The following KAT6B variants were observed in gnomAD, a reference collection of about 807,000 sequenced individuals.
The protein encoded by KAT6B is lysine acetyltransferase 6B.
KAT6B carries 10 observed loss-of-function variants against 187.5 expected under a neutral mutation model. The observed-to-expected ratio is 0.05, with a 90% CI of 0.03 to 0.09. KAT6B has a LOEUF of 0.09. KAT6B is among the 10% of genes least tolerant of loss of function. KAT6B has a pLI of 1.00. For missense variants in KAT6B, 1,952 were observed against 2,558.9 expected, an observed-to-expected ratio of 0.76 and a Z score of 5.12; for synonymous variants, 861 against 926.8, an observed-to-expected ratio of 0.93 and a Z score of 1.29.
At chr10:74,931,533 C>T (rs1429928292) in intron 3 of KAT6B, among the ~76,000 whole-genome samples, 1 of 152,138 alleles carries the variant, frequency 6.6e-6, no homozygotes, top group Non-Finnish European at 1.5e-5. Context: ...ATTAAATATG[C>T]TGCCACTCAT....
chr10:74,932,204 A>G (rs955893573), intron 3 of KAT6B, among the ~76,000 whole-genome samples: 2 of 152,244 alleles, frequency 1.3e-5, no homozygotes, highest in African/African-American at 4.8e-5. Flanking sequence ...TACATCAAGT[A>G]CAGTAACGAC....
chr10:74,918,357 A>G (rs1474526093), intron 3 of KAT6B, among the ~76,000 whole-genome samples: 1 of 152,186 alleles, frequency 6.6e-6, no homozygotes. Context: ...AGTTCAGTCA[A>G]CAAGTCAAAT....
chr10:74,839,551 A>C (rs867196514), intron 2 of KAT6B, among the ~76,000 whole-genome samples: 1 of 152,056 alleles, frequency 6.6e-6, no homozygotes, highest in African/African-American at 2.4e-5. Context: ...GTTTTAATGT[A>C]CGTTCGTTTG....
At chr10:74,827,522 A>G (rs138586554) in intron 1 of KAT6B, among the ~76,000 whole-genome samples, 3 of 152,130 alleles carry the variant, frequency 2.0e-5, no homozygotes, top group African/African-American at 7.2e-5. Context: ...GTATTTTTTA[A>G]AAACGTGGAA....
In KAT6B at chr10:75,021,964, A is replaced by G. The variant is rs543752941; in HGVS notation, c.3105A>G (p.Ser1035=). ...ILSTRANSRQ[S]PAKVQSKNKY... is the part of the protein sequence containing the mutation. ...CAACTAGAGCTAACAGTAGGCAATC[A>G]CCTGCAAAAGTACAATCGAAAAATA... The change falls in exon 16 of 18, where the codon TCA becomes TCG. Residue 1035 remains serine (S), a synonymous_variant. Coordinates refer to ENST00000287239, the MANE Select transcript of KAT6B (RefSeq NM_012330.4). The G allele has an allele frequency of 8.1e-6, 13 of 1,614,196 alleles. No individual in the cohort carries two copies. The South Asian group carries it at 1.3e-4, about 16-fold the overall frequency.
At chr10:74,864,249 TG>T (rs1396788114) in intron 3 of KAT6B, among the ~76,000 whole-genome samples, 1 of 151,978 alleles carries the variant, frequency 6.6e-6, no homozygotes, top group Non-Finnish European at 1.5e-5. Context: ...TTGTATTTTT[TG>T]TATTTTTTTG....
Position 74,900,265 on chromosome 10 carries a change from T to C in KAT6B, c.621+56787T>C, listed in dbSNP as rs951045079. Among the ~76,000 whole-genome samples the C allele has an allele frequency of 6.6e-5, 10 of 152,312 alleles. 1 individual carries two copies. In the East Asian group the frequency reaches 1.5e-3, roughly 23 times the overall value. On this transcript the variant is annotated intron_variant, in intron 3 of 17. Coordinates refer to ENST00000287239, the MANE Select transcript of KAT6B (RefSeq NM_012330.4). ...GTCTATATTGAACTAATTTAAAATA[T>C]CTTATTGAAATATATTATTAATTAA... is the stretch of plus-strand genomic sequence containing the variant.
chr10:74,912,799 A>G (rs1847341062), intron 3 of KAT6B, among the ~76,000 whole-genome samples: 1 of 152,170 alleles, frequency 6.6e-6, no homozygotes, highest in African/African-American at 2.4e-5. Context: ...TAGTCAAGCT[A>G]ATGACCCATG....
At chr10:74,953,939 C>T (rs1840491731) in intron 3 of KAT6B, among the ~76,000 whole-genome samples, 1 of 152,114 alleles carries the variant, frequency 6.6e-6, no homozygotes, top group African/African-American at 2.4e-5. Flanking sequence ...AGAATGTTTC[C>T]TTAGAAAATG....
intron 3 of KAT6B, among the ~76,000 whole-genome samples, chr10:74,846,163 C>T (rs1234089398): frequency 6.6e-6 from 1 of 152,080 alleles, no homozygotes; most frequent in Non-Finnish European, 1.5e-5. Context: ...TGTGCCTGGC[C>T]AACATTTATT....
At chr10:74,878,421 A>C in intron 3 of KAT6B, among the ~76,000 whole-genome samples, 1 of 151,994 alleles carries the variant, frequency 6.6e-6, no homozygotes, top group East Asian at 1.9e-4. Context: ...GGAGTTCTAG[A>C]CCAGCCTGGG....
At chr10:74,957,512 G>A (rs905224134) in intron 3 of KAT6B, among the ~76,000 whole-genome samples, 1 of 152,182 alleles carries the variant, frequency 6.6e-6, no homozygotes, top group Non-Finnish European at 1.5e-5. Flanking sequence ...AACGAAAAAT[G>A]AGCATGAATG....
intron 3 of KAT6B, among the ~76,000 whole-genome samples, chr10:74,925,924 T>C (rs1004609402): frequency 1.3e-5 from 2 of 151,976 alleles, no homozygotes; most frequent in Non-Finnish European, 2.9e-5. Context: ...TTGTGTCGCA[T>C]GTGCGTACAG....
chr10:74,869,294 A>T (rs932238867), intron 3 of KAT6B, among the ~76,000 whole-genome samples: 3 of 150,916 alleles, frequency 2.0e-5, no homozygotes, highest in Non-Finnish European at 3.0e-5. Flanking sequence ...TTCTTTTTAA[A>T]TGTTCTTTTT....
chr10:75,006,286 A>G (rs2134012101), intron 13 of KAT6B, among the ~76,000 whole-genome samples: 1 of 152,356 alleles, frequency 6.6e-6, no homozygotes, highest in South Asian at 2.1e-4. Flanking sequence ...TCACAAGTTC[A>G]TAATGATACT....
intron 3 of KAT6B, among the ~76,000 whole-genome samples, chr10:74,896,264 T>C (rs1327881269): frequency 6.6e-6 from 1 of 152,134 alleles, no homozygotes; most frequent in Non-Finnish European, 1.5e-5. Context: ...ATCTAGTCCA[T>C]AATATTTGTG....
At chr10:74,969,998 T>C in intron 5 of KAT6B, 22 bp from the exon 6 acceptor site, 1 of 1,538,018 alleles carries the variant, frequency 6.5e-7, no homozygotes, top group Non-Finnish European at 9.0e-7. Context: ...TCTCAATTAG[T>C]CTCTAATATG....
At chr10:74,945,255 G>T (rs1006412544) in intron 3 of KAT6B, among the ~76,000 whole-genome samples, 1 of 152,144 alleles carries the variant, frequency 6.6e-6, no homozygotes, top group Non-Finnish European at 1.5e-5. Context: ...CAAGTGTAAG[G>T]TTAAGTCATA....
intron 4 of KAT6B, among the ~76,000 whole-genome samples, chr10:74,960,749 C>T (rs1295308324): frequency 6.6e-6 from 1 of 152,138 alleles, no homozygotes; most frequent in Non-Finnish European, 1.5e-5. Flanking sequence ...GCACCATCCT[C>T]TTGGGTTTTA....
Sources: gnomAD v4.1 joint callset for allele counts (sites outside exome capture counted in the v4.1 genomes callset) on GRCh38, gnomAD v4.1.1 for gene constraint, MANE v1.5 for transcripts, NCBI Gene and HGNC (gene_info 2026-07-23, HGNC 2026-07-21) for gene names.